Variants in DPP6 observed in about 807,000 individuals in gnomAD.
DPP6 encodes the protein dipeptidyl peptidase like 6, also known as A-type potassium channel modulatory protein DPP6.
In DPP6, 69 loss-of-function variants were observed where a neutral mutation model predicts 122.6. The observed-to-expected ratio is 0.56, with a 90% CI of 0.46 to 0.69. The LOEUF is 0.69. DPP6 is among the 30% of genes least tolerant of loss of function. The pLI, the probability that DPP6 is intolerant of heterozygous loss-of-function variation, is 0.00. For missense variants in DPP6, 928 were observed against 1,116.9 expected, an observed-to-expected ratio of 0.83 and a Z score of 2.41; for synonymous variants, 418 against 433.1, an observed-to-expected ratio of 0.97 and a Z score of 0.43.
chr7:153,975,280 T>C (rs1585117659), intron 1 of DPP6, among the ~76,000 whole-genome samples: 1 of 151,900 alleles, frequency 6.6e-6, no homozygotes, highest in East Asian at 1.9e-4. Context: ...AGGAGTCTTC[T>C]GTGAAACCAC....
At chr7:154,001,597 T>C (rs1797695897) in intron 1 of DPP6, among the ~76,000 whole-genome samples, 1 of 152,120 alleles carries the variant, frequency 6.6e-6, no homozygotes, top group Non-Finnish European at 1.5e-5. Context: ...GTGTTTTCAT[T>C]GAGGGTTGTC....
intron 1 of DPP6, among the ~76,000 whole-genome samples, chr7:154,145,191 A>G (rs1452932166): frequency 6.6e-6 from 1 of 152,254 alleles, no homozygotes; most frequent in African/African-American, 2.4e-5. Context: ...ATTTAAACAC[A>G]TGAGCCTTGC....
chr7:154,094,880 C>G (rs1245808596), intron 1 of DPP6: 2 of 152,260 alleles, frequency 1.3e-5, no homozygotes, highest in African/African-American at 4.8e-5. Flanking sequence ...TCCTGCCTCA[C>G]TGGTGAGCCT....
intron 1 of DPP6, among the ~76,000 whole-genome samples, chr7:154,425,637 T>G (rs531146812): frequency 1.4e-5 from 2 of 146,890 alleles, no homozygotes; most frequent in Non-Finnish European, 2.9e-5. Context: ...TGTGTGTGTG[T>G]GTGTGTGTGT....
intron 1 of DPP6, among the ~76,000 whole-genome samples, chr7:154,018,386 G>A (rs190241708): frequency 4.6e-5 from 7 of 152,196 alleles, no homozygotes; most frequent in Admixed American, 3.3e-4. Context: ...AGTGGACACC[G>A]GAGACCATTT....
chr7:153,964,779 C>CTCCTTTCCTTTCCTT lies in DPP6; in HGVS notation c.51+77082_51+77096dup, dbSNP rs200745389. Reference sequence around the variant, plus strand: ...TGATGCTCCACATTCTTCTCCGTGGCTCCTTTCCTTTCCTTTCCTTTCCTT... The same window carrying CTCCTTTCCTTTCCTT: ...TGATGCTCCACATTCTTCTCCGTGGCTCCTTTCCTTTCCTTTCCTTTCCTTTCCTTTCCTTTCCTT... On this transcript the variant is annotated intron_variant, in intron 1 of 25. Transcript: ENST00000404039. 2.1e-4 allele frequency among the ~76,000 whole-genome samples: 24 copies of CTCCTTTCCTTTCCTT among 114,686 alleles called. 1 individual carries two copies. Among genetic ancestry groups the CTCCTTTCCTTTCCTT allele is most frequent in the South Asian group, 7.6e-4 (2 of 2,646 alleles). The allele number at this position is 114,686 out of a possible 152,430, so 75.2% of individuals were successfully genotyped here.
intron 5 of DPP6, among the ~76,000 whole-genome samples, chr7:154,574,138 T>G (rs1245280164): frequency 6.6e-6 from 1 of 152,198 alleles, no homozygotes; most frequent in Non-Finnish European, 1.5e-5. Context: ...GCCCAAACAA[T>G]GGTTCTTTTC....
At chr7:154,735,724 T>C (rs1214832594) in intron 8 of DPP6, among the ~76,000 whole-genome samples, 1 of 152,230 alleles carries the variant, frequency 6.6e-6, no homozygotes, top group Non-Finnish European at 1.5e-5. Context: ...TGAGATGGCC[T>C]AAGAGTTCCA....
the DPP6 span, among the ~76,000 whole-genome samples, chr7:153,844,324 TGATTG>T: frequency 1.1e-4 from 17 of 152,354 alleles, no homozygotes; most frequent in East Asian, 1.9e-4. Flanking sequence ...GCGCTGATCC[TGATTG>T]GATTGAAGAA....
chr7:154,050,501 G>A (rs924737488), upstream of DPP6, among the ~76,000 whole-genome samples: 25 of 151,940 alleles, frequency 1.6e-4, no homozygotes, highest in Admixed American at 1.3e-3. Context: ...TGTCAGGATC[G>A]CGATGCTGCG....
At chr7:154,497,177 C>A (rs745968408) in intron 3 of DPP6, among the ~76,000 whole-genome samples, 1 of 152,164 alleles carries the variant, frequency 6.6e-6, no homozygotes, top group Non-Finnish European at 1.5e-5. Flanking sequence ...ATCTGACAGA[C>A]TAAAAAACTA....
intron 1 of DPP6, among the ~76,000 whole-genome samples, chr7:154,061,611 C>T (rs1801899087): frequency 7.0e-6 from 1 of 143,408 alleles, no homozygotes. Context: ...TTGGGACTCC[C>T]ATCACAGGGG....
chr7:153,811,200 G>T, the DPP6 span, among the ~76,000 whole-genome samples: 1 of 152,172 alleles, frequency 6.6e-6, no homozygotes. Context: ...CTGACTCCCT[G>T]CAAGGCCCGA....
At chr7:153,919,446 C>G (rs1360536178) in intron 1 of DPP6, among the ~76,000 whole-genome samples, 1 of 152,172 alleles carries the variant, frequency 6.6e-6, no homozygotes, top group Non-Finnish European at 1.5e-5. Context: ...CCTTAAACAC[C>G]AGTTTGCACA....
rs747314217 is a variant in DPP6 at position 154,795,891 on chromosome 7, C to T, written c.1299+8C>T. 1.2e-6 allele frequency: 2 copies of T among 1,609,570 alleles called. No individual in the cohort carries two copies. Among genetic ancestry groups the T allele is most frequent in the Admixed American group, 3.4e-5 (2 of 59,458 alleles). Reference sequence around the variant, plus strand: ...GCCTGGCTCCACAGACAGGTAACTACTGCATGTCCGGGTCCCCACTGTCAC... The same window carrying T: ...GCCTGGCTCCACAGACAGGTAACTATTGCATGTCCGGGTCCCCACTGTCAC... On this transcript the variant is annotated splice_region_variant and intron_variant, in intron 12 of 25. Transcript: ENST00000377770.
intron 1 of DPP6, among the ~76,000 whole-genome samples, chr7:154,312,511 C>T (rs1346563137): frequency 6.6e-6 from 1 of 152,232 alleles, no homozygotes; most frequent in Non-Finnish European, 1.5e-5. Context: ...AGAAAAACTG[C>T]TTTCCCCAGT....
intron 1 of DPP6, among the ~76,000 whole-genome samples, chr7:154,421,413 C>T (rs1434300798): frequency 6.6e-6 from 1 of 152,008 alleles, no homozygotes; most frequent in Non-Finnish European, 1.5e-5. Flanking sequence ...ACCTCCGCCT[C>T]CCAGGTTCAA....
intron 1 of DPP6, among the ~76,000 whole-genome samples, chr7:154,191,890 TGTTA>T (rs1437782190): frequency 6.6e-6 from 1 of 152,236 alleles, no homozygotes; most frequent in Admixed American, 6.5e-5. Flanking sequence ...ATGCATTGTT[TGTTA>T]TTCTCCTTTG....
chr7:154,336,225 T>G (rs938047718), intron 1 of DPP6, among the ~76,000 whole-genome samples: 34 of 152,122 alleles, frequency 2.2e-4, no homozygotes, highest in Non-Finnish European at 3.7e-4. Context: ...CTTAGCAACC[T>G]GGAAGGAAGT....
Sources: allele counts gnomAD v4.1 joint callset (sites outside exome capture counted in the v4.1 genomes callset), GRCh38; gene constraint gnomAD v4.1.1; transcripts MANE v1.5; gene names NCBI Gene and HGNC (gene_info 2026-07-23, HGNC 2026-07-21).